ASTN2: variants seen among roughly 807,000 people sequenced by gnomAD.
ASTN2 encodes the protein astrotactin 2.
In ASTN2, 54 loss-of-function variants were observed where a neutral mutation model predicts 139.8. That is an observed-to-expected ratio of 0.39 (90% CI 0.31 to 0.48). The LOEUF (loss-of-function observed/expected upper bound fraction) is 0.48. Among genes scored for constraint, ASTN2 ranks in the 20% least tolerant of loss-of-function variants. The probability of loss-of-function intolerance (pLI) is 0.95; values close to 1 mark genes in which losing one functional copy is unlikely to be tolerated. For synonymous variants in ASTN2, 756 were observed against 719.5 expected, an observed-to-expected ratio of 1.05 and a Z score of -0.81; for missense variants, 1,565 against 1,725.1, an observed-to-expected ratio of 0.91 and a Z score of 1.64.
At chr9:117,304,048 C>G (rs1391562325) in intron 1 of ASTN2, among the ~76,000 whole-genome samples, 1 of 152,190 alleles carries the variant, frequency 6.6e-6, no homozygotes, top group African/African-American at 2.4e-5. Context: ...GTGAGAGAAG[C>G]CAACCTGGGT....
intron 20 of ASTN2, among the ~76,000 whole-genome samples, chr9:116,462,869 T>C (rs1327748743): frequency 6.6e-6 from 1 of 151,466 alleles, no homozygotes; most frequent in Non-Finnish European, 1.5e-5. Flanking sequence ...CAATCTGAAG[T>C]AAATTTCTAA....
rs117539936 is a variant in ASTN2 at position 116,967,023 on chromosome 9, G to A, written c.1889+8185C>T. Among the ~76,000 whole-genome samples the A allele has an allele frequency of 7.2e-3, 1,097 of 152,272 alleles. 6 individuals carry two copies. The highest frequency in any genetic ancestry group is 0.051 in the Middle Eastern group (15 of 294). On this transcript the variant is annotated intron_variant, in intron 10 of 22. Coordinates refer to ENST00000313400, the MANE Select transcript of ASTN2 (RefSeq NM_001365068.1). ...ACTACCCATGTGACATTGCATGAAT[G>A]ACTTAACATCTTTGTGCCTCAGTTT...
chr9:117,105,238 T>C (rs1174055484), intron 4 of ASTN2, among the ~76,000 whole-genome samples: 1 of 152,158 alleles, frequency 6.6e-6, no homozygotes, highest in Non-Finnish European at 1.5e-5. Context: ...TTTCTAGAGA[T>C]AGAACCTGAA....
intron 11 of ASTN2, among the ~76,000 whole-genome samples, chr9:116,858,825 C>A (rs2132333576): frequency 6.6e-6 from 1 of 152,112 alleles, no homozygotes; most frequent in African/African-American, 2.4e-5. Flanking sequence ...TACTGTATCA[C>A]CCTCCTCATA....
Position 117,414,468 on chromosome 9 carries a change from A to G in ASTN2, c.442+29T>C, listed in dbSNP as rs1253740410. On this transcript the variant is annotated intron_variant, in intron 1 of 22. Transcript: ENST00000313400. This position sits in a 1 kb window ranked among gnomAD's most constrained non-coding sequence, Gnocchi z 4.2. ...ACGCAGGGGCTCGGGGTTCCTTGGG[A>G]TCTAGCGCGTGCCGGCGCCCAGCCT... 2 of 1,603,500 alleles carry G rather than the reference A, an allele frequency of 1.2e-6. No individual in the cohort carries two copies. The highest frequency in any genetic ancestry group is 1.1e-5 in the South Asian group (1 of 90,822).
At chr9:116,900,430 G>A (rs1159512636) in intron 10 of ASTN2, among the ~76,000 whole-genome samples, 2 of 152,140 alleles carry the variant, frequency 1.3e-5, no homozygotes, top group African/African-American at 4.8e-5. Flanking sequence ...CACATTTATG[G>A]CTGCCTGGAG....
chr9:116,613,899 T>G (rs1325259382), intron 19 of ASTN2, among the ~76,000 whole-genome samples: 3 of 152,070 alleles, frequency 2.0e-5, no homozygotes, highest in African/African-American at 7.2e-5. Flanking sequence ...GAGAAAGAAA[T>G]AAAGGGTATT....
chr9:117,238,537 G>T (rs372823355), intron 2 of ASTN2, among the ~76,000 whole-genome samples: 15 of 152,210 alleles, frequency 9.9e-5, no homozygotes, highest in East Asian at 7.7e-4. Context: ...TCTGGCTCTG[G>T]CCCAGGCTAT....
At chr9:116,971,804 T>G (rs911837410) in intron 10 of ASTN2, among the ~76,000 whole-genome samples, 8 of 152,248 alleles carry the variant, frequency 5.3e-5, no homozygotes, top group Admixed American at 2.0e-4. Context: ...CTGCTTTACA[T>G]GTAATATGTC....
At chr9:117,063,233 C>A (rs1331043315) in intron 5 of ASTN2, among the ~76,000 whole-genome samples, 1 of 152,182 alleles carries the variant, frequency 6.6e-6, no homozygotes, top group Non-Finnish European at 1.5e-5. Context: ...AGGTACATTT[C>A]TTCAGGGTAA....
At chr9:117,033,834 A>T (rs1355943652) in intron 6 of ASTN2, among the ~76,000 whole-genome samples, 1 of 152,058 alleles carries the variant, frequency 6.6e-6, no homozygotes, top group Non-Finnish European at 1.5e-5. Context: ...AGGATACTAA[A>T]TCCAGACTCT....
intron 2 of ASTN2, among the ~76,000 whole-genome samples, chr9:117,264,360 G>A (rs758975222): frequency 5.3e-5 from 8 of 152,236 alleles, no homozygotes; most frequent in Non-Finnish European, 1.0e-4. Context: ...TCAAATTCTG[G>A]CTCTACCACT....
Position 116,975,234 on chromosome 9 carries a change from G to A in ASTN2, c.1863C>T (p.Leu621=), listed in dbSNP as rs749465987. The change falls in exon 10 of 23, where the codon CTC becomes CTT. Residue 621 remains leucine (L), a synonymous_variant. Coordinates refer to ENST00000313400, the MANE Select transcript of ASTN2 (RefSeq NM_001365068.1). Reference sequence around the variant, plus strand: ...TGACATCTGCAGGGTCTTCCGTGACGAGCACATCGGTCTTGCAGCTGGCCA... The same window carrying A: ...TGACATCTGCAGGGTCTTCCGTGACAAGCACATCGGTCTTGCAGCTGGCCA... ...NPLASCKTDV[L]VTEDPADVRE... 26 of 1,612,638 alleles carry A rather than the reference G, an allele frequency of 1.6e-5. No individual in the cohort carries two copies. The highest frequency in any genetic ancestry group is 2.0e-5 in the Non-Finnish European group (24 of 1,179,308).
chr9:117,334,449 A>C (rs1220348360), intron 1 of ASTN2, among the ~76,000 whole-genome samples: 1 of 151,184 alleles, frequency 6.6e-6, no homozygotes, highest in Non-Finnish European at 1.5e-5. Context: ...CCTCAGGGTC[A>C]CTGTAAGGAT....
intron 2 of ASTN2, among the ~76,000 whole-genome samples, chr9:117,222,195 A>G (rs142443020): frequency 7.2e-4 from 110 of 152,244 alleles, no homozygotes; most frequent in African/African-American, 2.6e-3. Context: ...TTCCCCATTG[A>G]CTAAGCTAAG....
intron 19 of ASTN2, among the ~76,000 whole-genome samples, chr9:116,506,785 C>G (rs180893559): frequency 6.6e-6 from 1 of 152,178 alleles, no homozygotes; most frequent in Non-Finnish European, 1.5e-5. Context: ...CATTTGCCAA[C>G]TGGGGATAGA....
At chr9:116,832,440 C>A (rs368194756) in intron 11 of ASTN2, among the ~76,000 whole-genome samples, 18 of 152,124 alleles carry the variant, frequency 1.2e-4, no homozygotes, top group African/African-American at 4.3e-4. Flanking sequence ...TTGTCTCTGA[C>A]CTTTTGGAGA....
chr9:116,852,532 C>T (rs998799625), intron 11 of ASTN2, among the ~76,000 whole-genome samples: 3 of 152,114 alleles, frequency 2.0e-5, no homozygotes, highest in African/African-American at 7.2e-5. Flanking sequence ...TTTGATGAAA[C>T]CTTCTCACTG....
At position 117,202,264 on chromosome 9, in the gene ASTN2, G is replaced by A. The variant is rs191374863; in HGVS notation, c.1015+12094C>T. On this transcript the variant is annotated intron_variant, in intron 3 of 22. Coordinates refer to ENST00000313400, the MANE Select transcript of ASTN2 (RefSeq NM_001365068.1). ...ACATGAGATGGGTCTCCTGAATATA[G>A]TACACTGATGGGTCTTGACTCCTCA... 3.4e-3 allele frequency among the ~76,000 whole-genome samples: 523 copies of A among 152,138 alleles called. 5 individuals are homozygous for A. The highest frequency in any genetic ancestry group is 0.011 in the African/African-American group (475 of 41,496).
Sources: gnomAD v4.1 joint callset for allele counts (sites outside exome capture counted in the v4.1 genomes callset) on GRCh38, gnomAD v4.1.1 for gene constraint, Gnocchi (gnomAD v3.1) non-coding constraint, MANE v1.5 for transcripts, NCBI Gene and HGNC (gene_info 2026-07-23, HGNC 2026-07-21) for gene names.